Variants in SENP6 observed in about 807,000 individuals in gnomAD.
SENP6 encodes SUMO specific peptidase 6.
A neutral mutation model predicts 134.5 loss-of-function variants in SENP6; 41 were observed. That is an observed-to-expected ratio of 0.30 (90% confidence interval 0.24 to 0.40). The LOEUF (loss-of-function observed/expected upper bound fraction) is 0.40, where lower values mean the gene tolerates loss of function less well. Ranked by LOEUF, SENP6 falls within the 10% of genes least tolerant of loss-of-function variation. The probability of loss-of-function intolerance (pLI) is 1.00; values close to 1 mark genes in which losing one functional copy is unlikely to be tolerated. For synonymous variants in SENP6, 395 were observed against 429.8 expected (o/e 0.92, Z 1.00); for missense variants, 1,248 against 1,312.5 (o/e 0.95, Z 0.76).
intron 8 of SENP6, among the ~76,000 whole-genome samples, chr6:75,660,719 A>G (rs1341181525): frequency 6.6e-6 from 1 of 150,950 alleles, no homozygotes; most frequent in African/African-American, 2.4e-5. Flanking sequence ...TGTAGCCTCC[A>G]CCTCCCGGTT....
At chr6:75,659,137 T>TA (rs1353017117) in intron 7 of SENP6, 125 bp from the exon 8 acceptor site, 4 of 700,100 alleles carry the variant, frequency 5.7e-6, no homozygotes, top group East Asian at 2.7e-5. Flanking sequence ...GAGTGAAAAA[T>TA]AAATAAGAGA....
At chr6:75,636,150 A>G (rs1769495486) in intron 5 of SENP6, among the ~76,000 whole-genome samples, 2 of 152,154 alleles carry the variant, frequency 1.3e-5, no homozygotes, top group South Asian at 2.1e-4. Flanking sequence ...GCTCATTTAC[A>G]TAAAAGATTA....
intron 1 of SENP6, among the ~76,000 whole-genome samples, chr6:75,615,947 T>A (rs1262069923): frequency 1.3e-5 from 2 of 152,192 alleles, no homozygotes; most frequent in African/African-American, 4.8e-5. Context: ...CTCATAGACA[T>A]TTAGGTTTTT....
chr6:75,646,030 C>T (rs1380512140), intron 6 of SENP6, among the ~76,000 whole-genome samples: 1 of 152,178 alleles, frequency 6.6e-6, no homozygotes, highest in African/African-American at 2.4e-5. Flanking sequence ...TTTCATCAAT[C>T]TCTATACATG....
At chr6:75,691,120 G>A (rs1429053250) in intron 16 of SENP6, among the ~76,000 whole-genome samples, 1 of 150,972 alleles carries the variant, frequency 6.6e-6, no homozygotes, top group East Asian at 1.9e-4. Flanking sequence ...TGGAATTACA[G>A]GCGATTACCA....
intron 16 of SENP6, among the ~76,000 whole-genome samples, chr6:75,680,286 A>AG (rs1213353760): frequency 1.3e-5 from 2 of 152,194 alleles, no homozygotes; most frequent in Non-Finnish European, 2.9e-5. Flanking sequence ...GGCTTGGGTG[A>AG]GGAGGGGATA....
intron 7 of SENP6, among the ~76,000 whole-genome samples, chr6:75,652,739 A>G (rs542999634): frequency 9.6e-4 from 144 of 150,430 alleles, no homozygotes; most frequent in African/African-American, 3.4e-3. Context: ...AAAGATGGTT[A>G]GCTCCCAACA....
At chr6:75,653,024 TTTTTC>T (rs1344041678) in intron 7 of SENP6, among the ~76,000 whole-genome samples, 2 of 150,014 alleles carry the variant, frequency 1.3e-5, no homozygotes, top group South Asian at 4.2e-4. Context: ...TTCTGTTACT[TTTTTC>T]TTTTCTTTTT....
At chr6:75,697,648 G>T (rs1403605456) in intron 18 of SENP6, 131 bp downstream of exon 18, 3 of 617,186 alleles carry the variant, frequency 4.9e-6, no homozygotes, top group Non-Finnish European at 8.5e-6. Context: ...ATTCATATTT[G>T]TACTGCCTGT....
At chr6:75,693,616 C>T (rs1229605289) in intron 16 of SENP6, among the ~76,000 whole-genome samples, 1 of 152,142 alleles carries the variant, frequency 6.6e-6, no homozygotes, top group Admixed American at 6.6e-5. Context: ...TGTAGGGGCA[C>T]ACTGAGTTGC....
chr6:75,688,506 A>G (rs916735511), intron 16 of SENP6, among the ~76,000 whole-genome samples: 1 of 152,130 alleles, frequency 6.6e-6, no homozygotes, highest in African/African-American at 2.4e-5. Context: ...GACCGGAGCT[A>G]TTCCTATTTG....
intron 7 of SENP6, among the ~76,000 whole-genome samples, chr6:75,651,477 A>G (rs1167946397): frequency 6.6e-6 from 1 of 152,096 alleles, no homozygotes; most frequent in Admixed American, 6.5e-5. Context: ...ACCTCCACCA[A>G]GTAGCTGGGA....
intron 4 of SENP6, among the ~76,000 whole-genome samples, 166 bp downstream of exon 4, chr6:75,633,892 G>C (rs902545878): frequency 6.6e-6 from 1 of 152,164 alleles, no homozygotes; most frequent in African/African-American, 2.4e-5. Flanking sequence ...TGAATCTTAG[G>C]AGTAGGATTG....
intron 1 of SENP6, among the ~76,000 whole-genome samples, chr6:75,603,004 T>C (rs956368374): frequency 1.4e-4 from 22 of 152,236 alleles, no homozygotes; most frequent in African/African-American, 5.1e-4. Flanking sequence ...GACAGTTTCA[T>C]TGAGGTGTGT....
In SENP6 at chr6:75,716,423, G is replaced by T. The variant is rs1776023522; in HGVS notation, c.*829G>T. On this transcript the variant is annotated 3_prime_UTR_variant, in exon 24 of 24. Coordinates refer to ENST00000447266, the MANE Select transcript of SENP6 (RefSeq NM_015571.4). ...GTTAATTGATAAGCATTTTTAATCTGTGTAAACACAGGAATTTAAATAGGA... is the reference window on the plus strand; with the variant it reads ...GTTAATTGATAAGCATTTTTAATCTTTGTAAACACAGGAATTTAAATAGGA... 1 of 151,966 alleles carries T rather than the reference G, an allele frequency of 6.6e-6. No homozygotes were observed. Among genetic ancestry groups the T allele is most frequent in the African/African-American group, 2.4e-5 (1 of 41,440 alleles). The allele number at this position is 151,966 out of a possible 1,614,324, so 9.4% of individuals were successfully genotyped here. A position where few individuals can be genotyped will look rare whatever the true frequency, so the allele number is the denominator to read the frequency against.
intron 7 of SENP6, among the ~76,000 whole-genome samples, chr6:75,653,635 T>G (rs925384595): frequency 6.7e-6 from 1 of 149,928 alleles, no homozygotes; most frequent in African/African-American, 2.4e-5. Flanking sequence ...TTTCAACATT[T>G]TTTCTCATGT....
chr6:75,672,088 A>T (rs1303925248), intron 11 of SENP6, among the ~76,000 whole-genome samples: 2 of 152,174 alleles, frequency 1.3e-5, no homozygotes, highest in African/African-American at 4.8e-5. Context: ...GGGATTTATG[A>T]AATTTGTGTT....
At chr6:75,661,031 A>G (rs1316667589) in intron 8 of SENP6, among the ~76,000 whole-genome samples, 1 of 151,972 alleles carries the variant, frequency 6.6e-6, no homozygotes, top group Non-Finnish European at 1.5e-5. Flanking sequence ...TGGAGGGAAC[A>G]TATTTGGGCA....
intron 4 of SENP6, 40 bp from the exon 5 acceptor site, chr6:75,634,667 T>C (rs754601446): frequency 8.6e-7 from 1 of 1,166,190 alleles, no homozygotes; most frequent in South Asian, 1.4e-5. Flanking sequence ...GTATATAATT[T>C]TTCCGTGTTC....
Sources: allele counts gnomAD v4.1 joint callset (sites outside exome capture counted in the v4.1 genomes callset), GRCh38; gene constraint gnomAD v4.1.1; transcripts MANE v1.5; gene names NCBI Gene and HGNC (gene_info 2026-07-23, HGNC 2026-07-21).